Variants in TMEM127 observed in about 807,000 individuals in gnomAD.
The protein encoded by TMEM127 is transmembrane protein 127.
A neutral mutation model predicts 20.1 loss-of-function variants in TMEM127; 21 were observed. The observed-to-expected ratio is 1.04, with a 90% CI of 0.74 to 1.50. The LOEUF is 1.50. Among genes scored for constraint, TMEM127 ranks in the 40% most tolerant of loss-of-function variants. The pLI is 0.00. For synonymous variants in TMEM127, 150 were observed against 144.7 expected, an observed-to-expected ratio of 1.04 and a Z score of -0.26; for missense variants, 303 against 317.4, an observed-to-expected ratio of 0.95 and a Z score of 0.34.
intron 3 of TMEM127, 88 bp from the exon 4 acceptor site, chr2:96,254,203 C>G: frequency 6.5e-7 from 1 of 1,544,122 alleles, no homozygotes; most frequent in Non-Finnish European, 8.8e-7. Context: ...CCTCTCTACC[C>G]AAACCCCATT....
chr2:96,265,373 G>A lies in TMEM127; in HGVS notation c.9C>T (p.Ala3=). MY[A]PGGAGLPGGR... ...CGCCGGGCAGCCCTGCGCCTCCGGGGGCGTACATGCCCGGGGCCGCCCGCC... is the reference window on the plus strand; with the variant it reads ...CGCCGGGCAGCCCTGCGCCTCCGGGAGCGTACATGCCCGGGGCCGCCCGCC... Residue 3 remains alanine (A), a synonymous_variant, in exon 2 of 4, where the codon GCC becomes GCT. Coordinates refer to ENST00000258439, the MANE Select transcript of TMEM127 (RefSeq NM_017849.4). 1.4e-6 allele frequency: 2 copies of A among 1,462,148 alleles called. No individual in the cohort carries two copies. The highest frequency in any genetic ancestry group is 1.4e-5 in the South Asian group (1 of 73,208). 90.6% of individuals were successfully genotyped at this position (1,462,148 alleles called of 1,614,324 possible).
intron 2 of TMEM127, among the ~76,000 whole-genome samples, chr2:96,262,411 G>A (rs762100531): frequency 7.9e-5 from 12 of 152,154 alleles, no homozygotes; most frequent in Non-Finnish European, 1.5e-4. Flanking sequence ...CTACATGTCT[G>A]AAGGCCCACT....
chr2:96,258,380 C>T (rs1198008759), intron 2 of TMEM127, among the ~76,000 whole-genome samples: 2 of 152,226 alleles, frequency 1.3e-5, no homozygotes, highest in Non-Finnish European at 2.9e-5. Flanking sequence ...ATGCCAGCAT[C>T]ACAGGTTCTG....
At chr2:96,261,835 G>A (rs984041408) in intron 2 of TMEM127, among the ~76,000 whole-genome samples, 1 of 152,182 alleles carries the variant, frequency 6.6e-6, no homozygotes, top group Non-Finnish European at 1.5e-5. Flanking sequence ...CAGGCATGGG[G>A]TGTGCTTAGC....
At position 96,249,831 on chromosome 2, in the gene TMEM127, GA is replaced by G. The variant is rs1249457914; in HGVS notation, c.*3976del. ...GCTGAAGATTCTCTAGTCATCTTGG[GA>G]AAGCCGCCCTGCCCCAGATGCACCA... On this transcript the variant is annotated 3_prime_UTR_variant, in exon 4 of 4. Transcript: ENST00000258439. The G allele has an allele frequency of 4.3e-6, 1 of 233,150 alleles. No individual in the cohort carries two copies. Among genetic ancestry groups the G allele is most frequent in the Non-Finnish European group, 8.5e-6 (1 of 118,082 alleles). The allele number at this position is 233,150 out of a possible 1,614,324, so 14.4% of individuals were successfully genotyped here.
intron 2 of TMEM127, 152 bp from the exon 3 acceptor site, chr2:96,255,149 G>T (rs983249312): frequency 1.1e-4 from 120 of 1,082,612 alleles, no homozygotes; most frequent in Non-Finnish European, 1.5e-4. Context: ...TGGGTGGTCT[G>T]CAGGGTAGCT....
rs892181596 is a variant in TMEM127 at position 96,260,377 on chromosome 2, G to T, written c.244+4761C>A. The T allele has an allele frequency of 2.0e-5, 3 of 152,210 alleles. No individual in the cohort carries two copies. In the East Asian group the frequency reaches 5.8e-4, roughly 29 times the overall value. 9.4% of individuals were successfully genotyped at this position (152,210 alleles called of 1,614,324 possible). Reference sequence around the variant, plus strand: ...GGATTGCTAAAGAAAACCCCTGAAGGTTATGTATGTAGGATTTTATTCGAG... The same window carrying T: ...GGATTGCTAAAGAAAACCCCTGAAGTTTATGTATGTAGGATTTTATTCGAG... On this transcript the variant is annotated intron_variant, in intron 2 of 3. Coordinates refer to ENST00000258439, the MANE Select transcript of TMEM127 (RefSeq NM_017849.4).
rs1178140266 is a variant in TMEM127 at position 96,251,772 on chromosome 2, AAAG to A, written c.*2033_*2035del. The A allele has an allele frequency of 4.3e-6, 1 of 233,026 alleles. No individual in the cohort carries two copies. Among genetic ancestry groups the A allele is most frequent in the Non-Finnish European group, 8.5e-6 (1 of 117,710 alleles). The allele number at this position is 233,026 out of a possible 1,614,324, so 14.4% of individuals were successfully genotyped here. On this transcript the variant is annotated 3_prime_UTR_variant, in exon 4 of 4. Coordinates refer to ENST00000258439, the MANE Select transcript of TMEM127 (RefSeq NM_017849.4). The stretch of plus-strand genomic sequence containing the variant: ...GTGTCAGGATGGCAGAGGGAAAGAG[AAAG>A]AAGAGGAAGGCCAAAGACATGGGGA...
rs1573965429 is a variant in TMEM127 at position 96,248,737 on chromosome 2, G to A, written c.*5071C>T. On this transcript the variant is annotated 3_prime_UTR_variant, in exon 4 of 4. Transcript: ENST00000258439. ...ATTTTCTACCAAGACAGAAGGACAGGAACCTTCCAAACAGGGCAGCCTGCA... is the reference window on the plus strand; with the variant it reads ...ATTTTCTACCAAGACAGAAGGACAGAAACCTTCCAAACAGGGCAGCCTGCA... The A allele has an allele frequency of 4.3e-6, 1 of 230,444 alleles. No individual in the cohort carries two copies. The highest frequency in any genetic ancestry group is 8.6e-6 in the Non-Finnish European group (1 of 116,296). The allele number at this position is 230,444 out of a possible 1,614,324, so 14.3% of individuals were successfully genotyped here. A position where few individuals can be genotyped will look rare whatever the true frequency, so the allele number is the denominator to read the frequency against.
chr2:96,265,241 G>A lies in TMEM127; in HGVS notation c.141C>T (p.Ala47=). 2 of 1,597,720 alleles carry A rather than the reference G, an allele frequency of 1.3e-6. No homozygotes were observed. The highest frequency in any genetic ancestry group is 1.7e-6 in the Non-Finnish European group (2 of 1,175,618). Residue 47 remains alanine, a synonymous_variant, in exon 2 of 4, where the codon GCC becomes GCT. Transcript: ENST00000258439. ...TGTGCAACCAGGCGGGCTCGGCGAG[G>A]GCAGTGCACAGCGCCGTGATAGACA... ...GALSITALCT[A]LAEPAWLHIH...
chr2:96,249,499 C>G lies in TMEM127; in HGVS notation c.*4309G>C, dbSNP rs139725456. 128 of 227,134 alleles carry G rather than the reference C, an allele frequency of 5.6e-4. 3 individuals carry two copies. In the East Asian group the frequency reaches 6.8e-3, roughly 12 times the overall value. The allele number at this position is 227,134 out of a possible 1,614,324, so 14.1% of individuals were successfully genotyped here. A position where few individuals can be genotyped will look rare whatever the true frequency, so the allele number is the denominator to read the frequency against. ...TCAGGCTTGGTGCAGTGGCTCAAGC[C>G]TGTAATCCCAACCCTTTGGGAAGGG... On this transcript the variant is annotated 3_prime_UTR_variant, in exon 4 of 4. Transcript: ENST00000258439.
rs1573967278 is a variant in TMEM127, at chr2:96,251,553, C to T, written c.*2255G>A. The T allele has an allele frequency of 4.3e-6, 1 of 232,250 alleles. No homozygotes were observed. Among genetic ancestry groups the T allele is most frequent in the Non-Finnish European group, 8.5e-6 (1 of 117,202 alleles). 14.4% of individuals were successfully genotyped at this position (232,250 alleles called of 1,614,324 possible). A position where few individuals can be genotyped will look rare whatever the true frequency, so the allele number is the denominator to read the frequency against. On this transcript the variant is annotated 3_prime_UTR_variant, in exon 4 of 4. Transcript: ENST00000258439. ...CAAGAAAAAGAAAAAAAAATACAGC[C>T]TCATCAACATCTCCTGCTTCTCTGA...
At chr2:96,265,647 G>A (rs1684406589) in intron 1 of TMEM127, 135 bp from the exon 2 acceptor site, 1 of 369,230 alleles carries the variant, frequency 2.7e-6, no homozygotes, top group African/African-American at 2.1e-5. Context: ...AGAGGGCCAG[G>A]GGCCAGATGG....
intron 2 of TMEM127, among the ~76,000 whole-genome samples, chr2:96,258,549 T>C (rs1684254822): frequency 6.6e-6 from 1 of 152,142 alleles, no homozygotes; most frequent in African/African-American, 2.4e-5. Flanking sequence ...TCTGTCATGA[T>C]CTCTTGTCTG....
chr2:96,255,253 C>A (rs1410181145), intron 2 of TMEM127, among the ~76,000 whole-genome samples: 1 of 152,240 alleles, frequency 6.6e-6, no homozygotes, highest in Non-Finnish European at 1.5e-5. Context: ...GATTCTACTT[C>A]ACTGTGTATG....
chr2:96,257,426 C>A (rs1684230851), intron 2 of TMEM127, among the ~76,000 whole-genome samples: 1 of 152,040 alleles, frequency 6.6e-6, no homozygotes, highest in African/African-American at 2.4e-5. Flanking sequence ...CGTGTCACTG[C>A]ACTCCAGCCT....
rs1373344426 is a variant in TMEM127 at position 96,249,901 on chromosome 2, TC to T, written c.*3906del. ...GGTCCTCTCCTTGCGGCCCTTCACATCCCATGGCTTCTCGTGTGCGGGCCCC... is the reference window on the plus strand; with the variant it reads ...GGTCCTCTCCTTGCGGCCCTTCACATCCATGGCTTCTCGTGTGCGGGCCCC... On this transcript the variant is annotated 3_prime_UTR_variant, in exon 4 of 4. Coordinates refer to ENST00000258439, the MANE Select transcript of TMEM127 (RefSeq NM_017849.4). 3.4e-5 allele frequency: 8 copies of T among 233,096 alleles called. No homozygotes were observed. Among genetic ancestry groups the T allele is most frequent in the Non-Finnish European group, 6.8e-5 (8 of 118,034 alleles). 14.4% of individuals were successfully genotyped at this position (233,096 alleles called of 1,614,324 possible).
At chr2:96,256,503 G>A (rs1386523534) in intron 2 of TMEM127, among the ~76,000 whole-genome samples, 1 of 151,080 alleles carries the variant, frequency 6.6e-6, no homozygotes, top group Non-Finnish European at 1.5e-5. Flanking sequence ...CCTGGGAGAT[G>A]GAGGTTGCGG....
intron 1 of TMEM127, 85 bp downstream of exon 1, chr2:96,265,784 C>CG (rs1684411053): frequency 5.0e-6 from 1 of 200,876 alleles, no homozygotes; most frequent in African/African-American, 2.3e-5. Flanking sequence ...CCGCGGGGAT[C>CG]GGGGACCCGT....
Sources: allele counts gnomAD v4.1 joint callset (sites outside exome capture counted in the v4.1 genomes callset), GRCh38; gene constraint gnomAD v4.1.1; transcripts MANE v1.5; gene names NCBI Gene and HGNC (gene_info 2026-07-23, HGNC 2026-07-21).